Variants in IL7R observed in about 807,000 individuals in gnomAD.
The protein encoded by IL7R is interleukin 7 receptor.
IL7R carries 38 observed loss-of-function variants against 47.0 expected under a neutral mutation model. The observed-to-expected ratio is 0.81, with a 90% CI of 0.62 to 1.06. The LOEUF (loss-of-function observed/expected upper bound fraction) is 1.06. IL7R is among the 50% of genes least tolerant of loss of function. The probability of loss-of-function intolerance (pLI) is 0.00; values close to 1 mark genes in which losing one functional copy is unlikely to be tolerated. For missense variants in IL7R, 633 were observed against 534.8 expected, an observed-to-expected ratio of 1.18 and a Z score of -1.81; for synonymous variants, 221 against 199.8, an observed-to-expected ratio of 1.11 and a Z score of -0.89.
At chr5:35,867,146 AATTCATTATCTCTC>A (rs1014718693) in intron 2 of IL7R, among the ~76,000 whole-genome samples, 146 bp from the exon 3 acceptor site, 11 of 152,126 alleles carry the variant, frequency 7.2e-5, no homozygotes, top group African/African-American at 2.7e-4. Flanking sequence ...ATAAGATTTT[AATTCATTATCTCTC>A]ATTCCTGAAC....
Position 35,867,397 on chromosome 5 carries a change from A to C in IL7R, c.313A>C (p.Ser105Arg), listed in dbSNP as rs199742437. 12 of 1,613,354 alleles carry C rather than the reference A, an allele frequency of 7.4e-6. No individual in the cohort carries two copies. Among genetic ancestry groups the C allele is most frequent in the Non-Finnish European group, 1.0e-5 (12 of 1,179,460 alleles). ...AAAGAAATTCTTACTGATTGGAAAG[A>C]GCAATATATGTGTGAAGGTTGGAGA... is the stretch of plus-strand genomic sequence containing the variant. ...ETKKFLLIGKSNICVKVGEKS... is the reference protein window; with the variant it reads ...ETKKFLLIGKRNICVKVGEKS... Residue 105 changes from serine to arginine, a missense_variant, in exon 3 of 8, where the codon AGC (serine) becomes CGC (arginine). By Grantham distance (110) the Ser-to-Arg change is moderately radical. Transcript: ENST00000303115.
intron 2 of IL7R, among the ~76,000 whole-genome samples, chr5:35,866,499 A>G (rs971843075): frequency 9.9e-5 from 15 of 152,234 alleles, no homozygotes; most frequent in Admixed American, 3.3e-4. Context: ...TATACATTTG[A>G]TAGAATTTAC....
chr5:35,863,737 T>C (rs991197890), intron 2 of IL7R, among the ~76,000 whole-genome samples: 2 of 152,160 alleles, frequency 1.3e-5, no homozygotes, highest in African/African-American at 4.8e-5. Context: ...TAACTGTGTT[T>C]ATCACAGAAG....
rs201145361 is a variant in IL7R, at chr5:35,875,943, C to A, written c.877-40C>A. 137 of 1,600,604 alleles carry A rather than the reference C, an allele frequency of 8.6e-5. No homozygotes were observed. In the African/African-American group the frequency reaches 1.7e-3, roughly 19 times the overall value. The stretch of plus-strand genomic sequence containing the variant: ...ACTGAACATTTGATGGTGTGTCTCT[C>A]TGGTGCCATCTTAATACCCTTTCTC... On this transcript the variant is annotated intron_variant, in intron 7 of 7. Coordinates refer to ENST00000303115, the MANE Select transcript of IL7R (RefSeq NM_002185.5).
rs1429070184 is a variant in IL7R at position 35,879,461 on chromosome 5, C to A, written c.*2975C>A. Reference sequence around the variant, plus strand: ...TTGTTGGGACTATTCTTTAAAATATCCATTGTTCACTACAGTGAAGATCTC... The same window carrying A: ...TTGTTGGGACTATTCTTTAAAATATACATTGTTCACTACAGTGAAGATCTC... On this transcript the variant is annotated 3_prime_UTR_variant, in exon 8 of 8. Transcript: ENST00000303115. 1.7e-5 allele frequency: 4 copies of A among 232,460 alleles called. No homozygotes were observed. Among genetic ancestry groups the A allele is most frequent in the Non-Finnish European group, 3.4e-5 (4 of 117,636 alleles). 14.4% of individuals were successfully genotyped at this position (232,460 alleles called of 1,614,324 possible).
chr5:35,870,803 G>T (rs1297655987), intron 3 of IL7R, among the ~76,000 whole-genome samples: 1 of 152,200 alleles, frequency 6.6e-6, no homozygotes, highest in Admixed American at 6.5e-5. Flanking sequence ...ACATGGGTGT[G>T]TGTCTGGCCC....
In IL7R at chr5:35,867,749, GTGTCCTTTCCTTCCTTATC is replaced by G. The variant is rs1428746201; in HGVS notation, c.379+304_379+322del. The G allele has an allele frequency of 6.7e-6, 4 of 595,700 alleles. No individual in the cohort carries two copies. In the South Asian group the frequency reaches 8.5e-5, roughly 13 times the overall value. 36.9% of individuals were successfully genotyped at this position (595,700 alleles called of 1,614,324 possible). A position where few individuals can be genotyped will look rare whatever the true frequency, so the allele number is the denominator to read the frequency against. On this transcript the variant is annotated intron_variant, in intron 3 of 7. Transcript: ENST00000303115. ...CTGGGCTTCCTGTCATCCATCACAG[GTGTCCTTTCCTTCCTTATC>G]TGTCCTTTCCTTCCTTACCTGTCCT...
At chr5:35,872,589 A>G (rs1392067659) in intron 4 of IL7R, among the ~76,000 whole-genome samples, 2 of 152,258 alleles carry the variant, frequency 1.3e-5, no homozygotes, top group African/African-American at 4.8e-5. Context: ...GAAATTATAT[A>G]AAAGTGAAAC....
At chr5:35,860,598 A>G (rs1276243178) in intron 1 of IL7R, among the ~76,000 whole-genome samples, 1 of 152,150 alleles carries the variant, frequency 6.6e-6, no homozygotes, top group Non-Finnish European at 1.5e-5. Context: ...TTACTTACTC[A>G]TTATGATGGA....
At chr5:35,865,540 C>T (rs933071601) in intron 2 of IL7R, among the ~76,000 whole-genome samples, 8 of 152,298 alleles carry the variant, frequency 5.3e-5, no homozygotes, top group African/African-American at 1.9e-4. Context: ...GCCACACTGT[C>T]TTCCACAATG....
chr5:35,860,702 T>C, intron 1 of IL7R, 150 bp from the exon 2 acceptor site: 1 of 814,456 alleles, frequency 1.2e-6, no homozygotes, highest in Admixed American at 2.2e-5. Flanking sequence ...TTTCTTGTCT[T>C]TGCCCTTGGG....
chr5:35,878,306 G>T lies in IL7R; in HGVS notation c.*1820G>T, dbSNP rs1217956554. 4.3e-6 allele frequency: 1 copy of T among 233,076 alleles called. No homozygotes were observed. 14.4% of individuals were successfully genotyped at this position (233,076 alleles called of 1,614,324 possible). On this transcript the variant is annotated 3_prime_UTR_variant, in exon 8 of 8. Transcript: ENST00000303115. Reference sequence around the variant, plus strand: ...AGCATTCCTTCCACCTCCTTGATAGGCATTTATGGAAAGCCTGCTACATGT... The same window carrying T: ...AGCATTCCTTCCACCTCCTTGATAGTCATTTATGGAAAGCCTGCTACATGT...
Position 35,860,992 on chromosome 5 carries a change from T to G in IL7R, c.221+2T>G, listed in dbSNP as rs200044623. ...CACCAATCTGGAATTTGAAATATGG[T>G]GAGGGATGGTGGTTTTAATGGTTGC... On this transcript the variant is annotated splice_donor_variant, in intron 2 of 7. Coordinates refer to ENST00000303115, the MANE Select transcript of IL7R (RefSeq NM_002185.5). LOFTEE classifies it high-confidence loss of function. The G allele has an allele frequency of 6.9e-5, 112 of 1,613,156 alleles. No homozygotes were observed. Among genetic ancestry groups the G allele is most frequent in the Non-Finnish European group, 9.2e-5 (109 of 1,179,316 alleles).
At position 35,877,013 on chromosome 5, in the gene IL7R, C is replaced by T. The variant is rs1444606666; in HGVS notation, c.*527C>T. 2.1e-5 allele frequency: 5 copies of T among 240,778 alleles called. No homozygotes were observed. The highest frequency in any genetic ancestry group is 3.3e-5 in the Non-Finnish European group (4 of 122,580). 14.9% of individuals were successfully genotyped at this position (240,778 alleles called of 1,614,324 possible). On this transcript the variant is annotated 3_prime_UTR_variant, in exon 8 of 8. Coordinates refer to ENST00000303115, the MANE Select transcript of IL7R (RefSeq NM_002185.5). Reference sequence around the variant, plus strand: ...AGAACTAAGGAGTTAAGTAACTTGTCCAAGTTGTTCACACAGTGAAGGGAG... The same window carrying T: ...AGAACTAAGGAGTTAAGTAACTTGTTCAAGTTGTTCACACAGTGAAGGGAG...
chr5:35,869,105 T>C (rs1760009647), intron 3 of IL7R, among the ~76,000 whole-genome samples: 1 of 152,116 alleles, frequency 6.6e-6, no homozygotes, highest in Non-Finnish European at 1.5e-5. Flanking sequence ...TAGGTCCTAA[T>C]GGGACACTTC....
At chr5:35,861,024 A>G (rs778349473) in intron 2 of IL7R, 34 bp downstream of exon 2, 22 of 1,604,536 alleles carry the variant, frequency 1.4e-5, no homozygotes, top group Non-Finnish European at 1.7e-5. Context: ...TTGCTTAGAC[A>G]TCCTCTGTCT....
In IL7R at chr5:35,878,567, A is replaced by G; in HGVS notation, c.*2081A>G. The G allele has an allele frequency of 4.3e-6, 1 of 232,992 alleles. No individual in the cohort carries two copies. Among genetic ancestry groups the G allele is most frequent in the Non-Finnish European group, 8.5e-6 (1 of 117,854 alleles). The allele number at this position is 232,992 out of a possible 1,614,324, so 14.4% of individuals were successfully genotyped here. ...ATCTGCCTGGTTTGTAGGCAGCAGA[A>G]GACATTTTTCATCAGTGGGCAGGTG... On this transcript the variant is annotated 3_prime_UTR_variant, in exon 8 of 8. Transcript: ENST00000303115.
At chr5:35,860,706 C>T in intron 1 of IL7R, 146 bp from the exon 2 acceptor site, 3 of 834,458 alleles carry the variant, frequency 3.6e-6, no homozygotes, top group East Asian at 2.6e-5. Context: ...TTGTCTTTGC[C>T]CTTGGGCTTT....
intron 2 of IL7R, among the ~76,000 whole-genome samples, chr5:35,862,521 A>T (rs1007011311): frequency 6.6e-6 from 1 of 152,146 alleles, no homozygotes; most frequent in African/African-American, 2.4e-5. Flanking sequence ...CAGATATTTC[A>T]GTTGGAAAGG....
Sources: gnomAD v4.1 joint callset for allele counts (sites outside exome capture counted in the v4.1 genomes callset) on GRCh38, gnomAD v4.1.1 for gene constraint, MANE v1.5 for transcripts, NCBI Gene and HGNC (gene_info 2026-07-23, HGNC 2026-07-21) for gene names.